Variants in FREM1 observed in about 807,000 individuals in gnomAD.
FREM1 encodes the protein FRAS1 related extracellular matrix 1, also known as FRAS1-related extracellular matrix protein 1.
In FREM1, 220 loss-of-function variants were observed where a neutral mutation model predicts 210.1. The ratio of observed to expected loss-of-function variants is 1.05; its 90% CI spans 0.94 to 1.17. The LOEUF is 1.17. Ranked by LOEUF, FREM1 falls within the 50% of genes most tolerant of loss-of-function variation. FREM1 has a pLI of 0.00. For missense variants in FREM1, 3,454 were observed against 2,675.5 expected (o/e 1.29, Z -6.42); for synonymous variants, 1,189 against 980.2 (o/e 1.21, Z -3.98).
At chr9:14,871,773 TTTTTAC>T (rs1832728188) in intron 1 of FREM1, among the ~76,000 whole-genome samples, 3 of 142,432 alleles carry the variant, frequency 2.1e-5, no homozygotes, top group African/African-American at 9.2e-5. Flanking sequence ...TCTTCTACGG[TTTTTAC>T]GGTTTTTACG....
intron 35 of FREM1, among the ~76,000 whole-genome samples, chr9:14,743,041 A>C (rs1194175113): frequency 6.6e-6 from 1 of 152,156 alleles, no homozygotes; most frequent in Non-Finnish European, 1.5e-5. Context: ...GGATCCAATA[A>C]GCTAATGCAT....
At chr9:14,827,408 G>A (rs542466585) in intron 10 of FREM1, among the ~76,000 whole-genome samples, 18 of 152,314 alleles carry the variant, frequency 1.2e-4, no homozygotes, top group African/African-American at 3.4e-4. Flanking sequence ...GGTAGGATGC[G>A]TGGTGGAAGA....
At chr9:14,787,743 G>T (rs1850637101) in intron 23 of FREM1, among the ~76,000 whole-genome samples, 1 of 152,144 alleles carries the variant, frequency 6.6e-6, no homozygotes, top group Non-Finnish European at 1.5e-5. Flanking sequence ...CCAATGAGAA[G>T]GTGGCCTACT....
intron 16 of FREM1, among the ~76,000 whole-genome samples, chr9:14,810,197 A>T (rs10756615): frequency 0.49 from 74,273 of 151,746 alleles, 18,680 homozygotes; most frequent in South Asian, 0.55. Context: ...AGGGAGAGGC[A>T]ATGGGGGAGA....
rs372342582 is a variant in FREM1, at chr9:14,792,728, T to A, written c.3981+15A>T. The A allele has an allele frequency of 2.5e-6, 4 of 1,570,366 alleles. No homozygotes were observed. The African/African-American group carries it at 5.5e-5, about 22-fold the overall frequency. ...CTACGTTAGTTTTGAAAAATAAAAGTAAGAAGTCACTAACCTTAAGCTGAA... is the reference window on the plus strand; with the variant it reads ...CTACGTTAGTTTTGAAAAATAAAAGAAAGAAGTCACTAACCTTAAGCTGAA... On this transcript the variant is annotated intron_variant, in intron 22 of 36. Coordinates refer to ENST00000380880, the MANE Select transcript of FREM1 (RefSeq NM_001379081.2).
chr9:14,861,050 TATACATATATACACATATAC>T lies in FREM1; in HGVS notation c.330-1586_330-1567del, dbSNP rs1564105152. Among the ~76,000 whole-genome samples, 26 of 77,652 alleles carry T rather than the reference TATACATATATACACATATAC, an allele frequency of 3.3e-4. 4 individuals are homozygous for T. Among genetic ancestry groups the T allele is most frequent in the East Asian group, 1.1e-3 (1 of 924 alleles). The allele number at this position is 77,652 out of a possible 152,430, so 50.9% of individuals were successfully genotyped here. A position where few individuals can be genotyped will look rare whatever the true frequency, so the allele number is the denominator to read the frequency against. Reference sequence around the variant, plus strand: ...ATATACATATATACATATATACATATATACATATATACACATATACATATATACATATATACACATATATA... The same window carrying T: ...ATATACATATATACATATATACATATATATATACATATATACACATATATA... On this transcript the variant is annotated intron_variant, in intron 3 of 36. Coordinates refer to ENST00000380880, the MANE Select transcript of FREM1 (RefSeq NM_001379081.2).
intron 1 of FREM1, among the ~76,000 whole-genome samples, chr9:14,888,262 G>C (rs772397858): frequency 1.3e-5 from 2 of 152,174 alleles, no homozygotes; most frequent in African/African-American, 4.8e-5. Context: ...AATGTCATCA[G>C]CTTGACCTTG....
At chr9:14,770,474 T>C in intron 26 of FREM1, 131 bp downstream of exon 26, 2 of 651,740 alleles carry the variant, frequency 3.1e-6, no homozygotes, top group Admixed American at 2.6e-5. Flanking sequence ...TATTGATTTA[T>C]AAACTGCATC....
intron 35 of FREM1, among the ~76,000 whole-genome samples, chr9:14,745,823 C>G (rs1341541589): frequency 6.6e-6 from 1 of 152,186 alleles, no homozygotes; most frequent in African/African-American, 2.4e-5. Flanking sequence ...ATAAGTTATC[C>G]TTTATTGAAT....
intron 26 of FREM1, among the ~76,000 whole-genome samples, chr9:14,770,075 T>C (rs1239946110): frequency 2.0e-5 from 3 of 152,118 alleles, no homozygotes; most frequent in African/African-American, 7.2e-5. Flanking sequence ...GCTTCAGAAA[T>C]ATTTGCCTTA....
At chr9:14,813,188 G>T in intron 15 of FREM1, 124 bp from the exon 16 acceptor site, 1 of 1,085,938 alleles carries the variant, frequency 9.2e-7, no homozygotes, top group Non-Finnish European at 1.3e-6. Flanking sequence ...TGAAACAACA[G>T]CCGTGAAATT....
Position 14,900,898 on chromosome 9 carries a change from C to G in FREM1, c.-268+9016G>C, listed in dbSNP as rs73642454. The stretch of plus-strand genomic sequence containing the variant: ...GGGTCCTTGCACATCCCTTCCCCAA[C>G]TTTAGTTTTTTCCTATGTTGAGAAA... On this transcript the variant is annotated intron_variant, in intron 1 of 36. Transcript: ENST00000380880. 4.9e-3 allele frequency among the ~76,000 whole-genome samples: 750 copies of G among 152,278 alleles called. 2 individuals carry two copies. Among genetic ancestry groups the G allele is most frequent in the African/African-American group, 0.017 (720 of 41,544 alleles).
In FREM1 at chr9:14,865,842, T is replaced by C. The variant is rs150180832; in HGVS notation, c.235-1939A>G. Among the ~76,000 whole-genome samples the C allele has an allele frequency of 5.6e-3, 859 of 152,306 alleles. 8 individuals carry two copies. Among genetic ancestry groups the C allele is most frequent in the African/African-American group, 0.019 (803 of 41,560 alleles). On this transcript the variant is annotated intron_variant, in intron 2 of 36. Coordinates refer to ENST00000380880, the MANE Select transcript of FREM1 (RefSeq NM_001379081.2). ...AGGAATCTTGTTTTTGTTGAAATTATGAGAATAACAAATAGGAACAATCAC... is the reference window on the plus strand; with the variant it reads ...AGGAATCTTGTTTTTGTTGAAATTACGAGAATAACAAATAGGAACAATCAC...
intron 24 of FREM1, chr9:14,779,388 C>A (rs1849274588): frequency 9.3e-6 from 5 of 537,098 alleles, no homozygotes; most frequent in Non-Finnish European, 1.2e-5. Context: ...AAAAGTATGT[C>A]AAATATCAGC....
At chr9:14,750,374 A>T in intron 29 of FREM1, 98 bp from the exon 30 acceptor site, 1 of 888,574 alleles carries the variant, frequency 1.1e-6, no homozygotes, top group Non-Finnish European at 1.7e-6. Flanking sequence ...GCTAGACTGC[A>T]GTAGCCCGAG....
chr9:14,838,749 A>C (rs1825091390), intron 10 of FREM1, among the ~76,000 whole-genome samples: 1 of 152,180 alleles, frequency 6.6e-6, no homozygotes, highest in Non-Finnish European at 1.5e-5. Context: ...TGAAATGAAT[A>C]ATTCCGGGTC....
At chr9:14,817,963 T>C (rs939630573) in intron 14 of FREM1, among the ~76,000 whole-genome samples, 1 of 152,232 alleles carries the variant, frequency 6.6e-6, no homozygotes, top group Non-Finnish European at 1.5e-5. Flanking sequence ...CAAATGGCCC[T>C]AAGAGTACAC....
chr9:14,769,641 T>C (rs1847159526), intron 27 of FREM1, 83 bp downstream of exon 27: 5 of 1,400,472 alleles, frequency 3.6e-6, no homozygotes, highest in Non-Finnish European at 4.8e-6. Flanking sequence ...GGTTCTGTTT[T>C]AAAAAGAACA....
At position 14,804,185 on chromosome 9, in the gene FREM1, G is replaced by A. The variant is rs144575649; in HGVS notation, c.3471+771C>T. Among the ~76,000 whole-genome samples, 456 of 152,150 alleles carry A rather than the reference G, an allele frequency of 3.0e-3. 1 individual carries two copies. Among genetic ancestry groups the A allele is most frequent in the Middle Eastern group, 0.01 (3 of 294 alleles). ...TTTTCTCACAAGAAAGCAAAATATG[G>A]TTATCTAAAAAAAAATTATGCGAAG... On this transcript the variant is annotated intron_variant, in intron 19 of 36. Coordinates refer to ENST00000380880, the MANE Select transcript of FREM1 (RefSeq NM_001379081.2).
Sources: gnomAD v4.1 joint callset for allele counts (sites outside exome capture counted in the v4.1 genomes callset) on GRCh38, gnomAD v4.1.1 for gene constraint, MANE v1.5 for transcripts, NCBI Gene and HGNC (gene_info 2026-07-23, HGNC 2026-07-21) for gene names.